ATP8A2: variants seen among roughly 807,000 people sequenced by gnomAD.
The protein encoded by ATP8A2 is ATPase phospholipid transporting 8A2, also known as phospholipid-transporting ATPase IB.
Under a neutral mutation model 165.6 loss-of-function variants are expected in ATP8A2, and 100 were observed. The ratio of observed to expected loss-of-function variants is 0.60; its 90% confidence interval spans 0.51 to 0.71. ATP8A2 has a LOEUF of 0.71. ATP8A2 is among the 30% of genes least tolerant of loss of function. The pLI is 0.00. For missense variants in ATP8A2, 1,227 were observed against 1,479.5 expected (o/e 0.83, Z 2.80); for synonymous variants, 543 against 548.8 (o/e 0.99, Z 0.15).
At chr13:25,624,990 A>G (rs1021110206) in intron 24 of ATP8A2, among the ~76,000 whole-genome samples, 2 of 152,190 alleles carry the variant, frequency 1.3e-5, no homozygotes, top group African/African-American at 4.8e-5. Flanking sequence ...TTTTTCCTTA[A>G]TGGTGTTAGG....
At chr13:25,904,249 A>T (rs1953861039) in intron 33 of ATP8A2, among the ~76,000 whole-genome samples, 1 of 152,192 alleles carries the variant, frequency 6.6e-6, no homozygotes, top group African/African-American at 2.4e-5. Context: ...GACCTGTCAA[A>T]TCAGAAACCT....
intron 1 of ATP8A2, among the ~76,000 whole-genome samples, chr13:25,450,159 A>AT (rs1414486990): frequency 1.3e-5 from 2 of 152,216 alleles, no homozygotes; most frequent in East Asian, 1.9e-4. Context: ...ACATGATCTA[A>AT]TTTTTTTGTG....
chr13:25,863,935 A>G lies in ATP8A2; in HGVS notation c.3183+1527A>G, dbSNP rs143443344. ...AAATTAGAGGGCGTTCAGTGAACCC[A>G]GAAGATTGTTGTGTAGCAAAATGAG... On this transcript the variant is annotated intron_variant, in intron 33 of 36. Transcript: ENST00000381655. Among the ~76,000 whole-genome samples, 95 of 152,382 alleles carry G rather than the reference A, an allele frequency of 6.2e-4. No homozygotes were observed. The East Asian group carries it at 0.013, about 22-fold the overall frequency.
chr13:25,465,629 A>G (rs1447550620), intron 1 of ATP8A2, among the ~76,000 whole-genome samples: 5 of 144,718 alleles, frequency 3.5e-5, no homozygotes, highest in African/African-American at 1.3e-4. Flanking sequence ...TGGTGCACAC[A>G]TTTAAACCTC....
chr13:25,584,503 G>T (rs973411171), intron 23 of ATP8A2, among the ~76,000 whole-genome samples: 1 of 152,148 alleles, frequency 6.6e-6, no homozygotes, highest in Non-Finnish European at 1.5e-5. Flanking sequence ...GATGAAAAAA[G>T]GGAAGCAGAG....
chr13:25,812,995 C>T lies in ATP8A2; in HGVS notation c.2680-15123C>T, dbSNP rs756364016. ...AACGCAGAAACAGAAGACCAAACAC[C>T]GCATGGGGAGCTGAACAGTGTGAAC... On this transcript the variant is annotated intron_variant, in intron 27 of 36. Transcript: ENST00000381655. 1.3e-4 allele frequency among the ~76,000 whole-genome samples: 20 copies of T among 152,030 alleles called. No homozygotes were observed. In the South Asian group the frequency reaches 1.9e-3, roughly 14 times the overall value.
At position 25,852,465 on chromosome 13, in the gene ATP8A2, T is replaced by C. The variant is rs115653417; in HGVS notation, c.2957-7730T>C. 5.9e-3 allele frequency among the ~76,000 whole-genome samples: 902 copies of C among 152,346 alleles called. 10 individuals carry two copies. The highest frequency in any genetic ancestry group is 0.021 in the African/African-American group (856 of 41,578). ...TCCTGGCACTCCCGGAGTTGTTCAC[T>C]TTCTGTGCTTCCTTATGTGGTATAA... On this transcript the variant is annotated intron_variant, in intron 30 of 36. Transcript: ENST00000381655.
At position 25,828,906 on chromosome 13, in the gene ATP8A2, C is replaced by T. The variant is rs139319595; in HGVS notation, c.2754+714C>T. ...AGCACTCTAGAGACCCTAGAATGGC[C>T]CATTTTTTGAGTTGTTCTCTCACTT... On this transcript the variant is annotated intron_variant, in intron 28 of 36. Coordinates refer to ENST00000381655, the MANE Select transcript of ATP8A2 (RefSeq NM_016529.6). Among the ~76,000 whole-genome samples the T allele has an allele frequency of 5.6e-3, 850 of 152,212 alleles. 11 individuals are homozygous for T. The highest frequency in any genetic ancestry group is 9.6e-3 in the Non-Finnish European group (656 of 68,020).
rs531503984 is a variant in ATP8A2, at chr13:26,023,021, G to A, written c.*3036G>A. 2.0e-5 allele frequency: 3 copies of A among 152,374 alleles called. No individual in the cohort carries two copies. Among genetic ancestry groups the A allele is most frequent in the Admixed American group, 1.3e-4 (2 of 15,294 alleles). 9.4% of individuals were successfully genotyped at this position (152,374 alleles called of 1,614,324 possible). On this transcript the variant is annotated 3_prime_UTR_variant, in exon 37 of 37. Transcript: ENST00000381655. ...CAGTTGTACTGTGGGCTTAGTTCTG[G>A]GTTTCCACTGCACACTGACACGTGC... is the stretch of plus-strand genomic sequence containing the variant.
chr13:25,500,974 A>AT (rs1369606596), intron 2 of ATP8A2, among the ~76,000 whole-genome samples: 5 of 151,954 alleles, frequency 3.3e-5, no homozygotes, highest in South Asian at 2.1e-4. Context: ...CGCCTTATGT[A>AT]TTTTTTCACT....
At chr13:25,794,271 A>G (rs1427611603) in intron 27 of ATP8A2, among the ~76,000 whole-genome samples, 2 of 152,236 alleles carry the variant, frequency 1.3e-5, no homozygotes, top group East Asian at 1.9e-4. Flanking sequence ...GAAACAACCT[A>G]TATGTCCCTT....
intron 2 of ATP8A2, among the ~76,000 whole-genome samples, chr13:25,506,339 T>C (rs1258229413): frequency 2.0e-5 from 3 of 152,176 alleles, no homozygotes; most frequent in Non-Finnish European, 2.9e-5. Flanking sequence ...ATATTTCTGC[T>C]CTTTCCTATT....
intron 33 of ATP8A2, among the ~76,000 whole-genome samples, chr13:25,870,111 G>C (rs1479075200): frequency 6.6e-6 from 1 of 152,208 alleles, no homozygotes; most frequent in Admixed American, 6.5e-5. Flanking sequence ...CAGCCCGGCT[G>C]TCCTCCAATT....
At chr13:25,726,607 C>G (rs2043499271) in intron 25 of ATP8A2, among the ~76,000 whole-genome samples, 1 of 151,908 alleles carries the variant, frequency 6.6e-6, no homozygotes. Context: ...GCAGTGAAAT[C>G]TCTCTCTCTC....
intron 24 of ATP8A2, among the ~76,000 whole-genome samples, chr13:25,619,543 A>C (rs2040915399): frequency 6.6e-6 from 1 of 152,218 alleles, no homozygotes; most frequent in East Asian, 1.9e-4. Context: ...AAAAACAGAC[A>C]GTAACCCTAG....
At position 25,786,111 on chromosome 13, in the gene ATP8A2, GC is replaced by G. The variant is rs112200823; in HGVS notation, c.2679+11154del. On this transcript the variant is annotated intron_variant, in intron 27 of 36. Transcript: ENST00000381655. ...TTTTTCTTGGACTTGGGAGTTTGTT[GC>G]CTTTTACCTTTAGTTGAAATAGCTT... is the stretch of plus-strand genomic sequence containing the variant. Among the ~76,000 whole-genome samples the G allele has an allele frequency of 8.3e-3, 1,257 of 152,162 alleles. 16 individuals carry two copies. The highest frequency in any genetic ancestry group is 0.029 in the African/African-American group (1,184 of 41,502).
At chr13:25,386,319 T>C (rs1311202389) in intron 1 of ATP8A2, among the ~76,000 whole-genome samples, 2 of 152,186 alleles carry the variant, frequency 1.3e-5, no homozygotes, top group Non-Finnish European at 2.9e-5. Context: ...TTTGTGATGA[T>C]GGTGCTTCGT....
At chr13:26,013,008 ACAT>A in intron 36 of ATP8A2, among the ~76,000 whole-genome samples, 1 of 152,074 alleles carries the variant, frequency 6.6e-6, no homozygotes, top group Non-Finnish European at 1.5e-5. Flanking sequence ...TTGGGGAAAA[ACAT>A]CATGCTTCTC....
At chr13:25,476,076 A>G (rs987665569) in intron 2 of ATP8A2, among the ~76,000 whole-genome samples, 1 of 152,210 alleles carries the variant, frequency 6.6e-6, no homozygotes, top group Non-Finnish European at 1.5e-5. Context: ...GAGTAAAAAG[A>G]ACAAAATAAT....
Sources: gnomAD v4.1 joint callset for allele counts (sites outside exome capture counted in the v4.1 genomes callset) on GRCh38, gnomAD v4.1.1 for gene constraint, MANE v1.5 for transcripts, NCBI Gene and HGNC (gene_info 2026-07-23, HGNC 2026-07-21) for gene names.